PRPF18: variants seen among roughly 807,000 people sequenced by gnomAD.
PRPF18 encodes the protein pre-mRNA processing factor 18, also known as pre-mRNA-splicing factor 18.
PRPF18 carries 38 observed loss-of-function variants against 46.5 expected under a neutral mutation model. The ratio of observed to expected loss-of-function variants is 0.82; its 90% CI spans 0.63 to 1.07. PRPF18 has a LOEUF of 1.07. Among genes scored for constraint, PRPF18 ranks in the 50% least tolerant of loss-of-function variants. The pLI is 0.00. For synonymous variants in PRPF18, 152 were observed against 146.7 expected (o/e 1.04, Z -0.26); for missense variants, 263 against 410.0 (o/e 0.64, Z 3.10).
rs370289910 is a variant in PRPF18 at position 13,597,478 on chromosome 10, G to A, written c.87G>A (p.Lys29=). 122 of 1,604,972 alleles carry A rather than the reference G, an allele frequency of 7.6e-5. No individual in the cohort carries two copies. The highest frequency in any genetic ancestry group is 9.4e-5 in the Non-Finnish European group (111 of 1,176,132). The part of the protein sequence containing the change: ...NLLVENKKYF[K]RSELAKKEEE... ...AATAGGAAAATAAAAAATATTTCAA[G>A]CGTAGTGAGCTCGCCAAAAAAGAAG... Residue 29 remains lysine (K), a synonymous_variant, in exon 2 of 10, where the codon AAG becomes AAA. Transcript: ENST00000378572.
At chr10:13,600,214 GA>G (rs2080086358) in intron 2 of PRPF18, 29 bp from the exon 3 acceptor site, 1 of 1,501,252 alleles carries the variant, frequency 6.7e-7, no homozygotes, top group Non-Finnish European at 9.1e-7. Context: ...TTTTAAAGCT[GA>G]ATTTCATTTC....
rs1178047932 is a variant in PRPF18, at chr10:13,630,386, A to AG, written c.*48dup. ...ATAACAATAAGAAACTTAGGGAAGC[A>AG]GGCTGTGGACTTCTGGAATTACCAA... is the stretch of plus-strand genomic sequence containing the variant. On this transcript the variant is annotated 3_prime_UTR_variant, in exon 10 of 10. Coordinates refer to ENST00000378572, the MANE Select transcript of PRPF18 (RefSeq NM_003675.4). 1 of 1,480,740 alleles carries AG rather than the reference A, an allele frequency of 6.8e-7. No homozygotes were observed. The highest frequency in any genetic ancestry group is 1.2e-5 in the South Asian group (1 of 84,572). The allele number at this position is 1,480,740 out of a possible 1,614,324, so 91.7% of individuals were successfully genotyped here. A position where few individuals can be genotyped will look rare whatever the true frequency, so the allele number is the denominator to read the frequency against.
chr10:13,605,576 TCTC>T, intron 3 of PRPF18, 52 bp from the exon 4 acceptor site: 1 of 993,118 alleles, frequency 1.0e-6, no homozygotes, highest in Non-Finnish European at 1.4e-6. Flanking sequence ...AGTGAGACTG[TCTC>T]AAAAAAAAAA....
chr10:13,605,007 C>G (rs1027146998), intron 3 of PRPF18, among the ~76,000 whole-genome samples: 4 of 152,156 alleles, frequency 2.6e-5, no homozygotes, highest in African/African-American at 9.7e-5. Context: ...TTTCTTTAGA[C>G]TTGAATTGTA....
At chr10:13,600,627 T>G (rs2080091824) in intron 3 of PRPF18, among the ~76,000 whole-genome samples, 1 of 152,190 alleles carries the variant, frequency 6.6e-6, no homozygotes, top group Non-Finnish European at 1.5e-5. Flanking sequence ...TGCTAAATAT[T>G]TATACTTAAA....
chr10:13,618,758 A>G (rs1179937210), intron 9 of PRPF18, among the ~76,000 whole-genome samples: 1 of 152,156 alleles, frequency 6.6e-6, no homozygotes, highest in Admixed American at 6.5e-5. Context: ...TACCCCTAGA[A>G]TCTAGAACAA....
chr10:13,591,423 T>A, intron 1 of PRPF18: 1 of 486,802 alleles, frequency 2.1e-6, no homozygotes, highest in Non-Finnish European at 3.7e-6. Context: ...CCTTTTTTGT[T>A]ATCAGTTATT....
intron 9 of PRPF18, 67 bp downstream of exon 9, chr10:13,616,620 T>A (rs1167149100): frequency 6.4e-7 from 1 of 1,570,992 alleles, no homozygotes; most frequent in Non-Finnish European, 8.7e-7. Context: ...AAACTCTAAG[T>A]CTGGAAAGCA....
At chr10:13,612,389 C>G (rs770879518) in intron 6 of PRPF18, among the ~76,000 whole-genome samples, 1 of 152,068 alleles carries the variant, frequency 6.6e-6, no homozygotes, top group Non-Finnish European at 1.5e-5. Flanking sequence ...TATCCTGCCT[C>G]AGCCTCTCAA....
chr10:13,655,354 AAACGTTGGTTCTTTATCT>A, the PRPF18 span: 3 of 152,172 alleles, frequency 2.0e-5, no homozygotes, highest in East Asian at 5.8e-4. Flanking sequence ...GATATTTACA[AAACGTTGGTTCTTTATCT>A]AATAGGGTCA....
downstream of PRPF18, among the ~76,000 whole-genome samples, chr10:13,635,252 T>C (rs2080626857): frequency 6.6e-6 from 1 of 152,230 alleles, no homozygotes; most frequent in Non-Finnish European, 1.5e-5. Flanking sequence ...TGTGTGGTAT[T>C]CCATAGTGTA....
At chr10:13,621,226 C>T (rs182298468) in intron 9 of PRPF18, among the ~76,000 whole-genome samples, 1 of 152,322 alleles carries the variant, frequency 6.6e-6, no homozygotes, top group East Asian at 1.9e-4. Context: ...CAGAGCTACT[C>T]TTATCCTTCC....
chr10:13,649,836 T>A, the PRPF18 span, among the ~76,000 whole-genome samples: 1 of 152,318 alleles, frequency 6.6e-6, no homozygotes, highest in Admixed American at 6.5e-5. Flanking sequence ...TCACAAATAA[T>A]ACAAATGGGG....
intron 1 of PRPF18, among the ~76,000 whole-genome samples, chr10:13,590,487 G>A (rs1589114748): frequency 6.7e-6 from 1 of 150,048 alleles, no homozygotes; most frequent in African/African-American, 2.4e-5. Flanking sequence ...TGGGCATGGT[G>A]GCAGGTGCCT....
At chr10:13,647,743 T>C in the PRPF18 span, 2 of 152,094 alleles carry the variant, frequency 1.3e-5, no homozygotes, top group South Asian at 2.1e-4. Context: ...TTTTTTTTTT[T>C]TTTTTAAGTA....
chr10:13,647,871 C>T, the PRPF18 span: 2 of 151,932 alleles, frequency 1.3e-5, no homozygotes, highest in African/African-American at 4.8e-5. Flanking sequence ...GAAAAACAGC[C>T]TCTCTTCAAT....
At chr10:13,596,043 C>T (rs553903239) in intron 1 of PRPF18, among the ~76,000 whole-genome samples, 16 of 152,278 alleles carry the variant, frequency 1.1e-4, no homozygotes, top group African/African-American at 3.6e-4. Flanking sequence ...TATGTACATA[C>T]ATTTGCTTTT....
At chr10:13,641,650 A>C in the PRPF18 span, 6 of 152,384 alleles carry the variant, frequency 3.9e-5, no homozygotes, top group East Asian at 1.2e-3. Flanking sequence ...TACCAGGTGG[A>C]AAACCAGGAC....
At chr10:13,650,159 A>G in the PRPF18 span, among the ~76,000 whole-genome samples, 1 of 152,240 alleles carries the variant, frequency 6.6e-6, no homozygotes, top group African/African-American at 2.4e-5. Flanking sequence ...GTGGTTTATA[A>G]CTGCTTGGCA....
Sources: allele counts gnomAD v4.1 joint callset (sites outside exome capture counted in the v4.1 genomes callset), GRCh38; gene constraint gnomAD v4.1.1; transcripts MANE v1.5; gene names NCBI Gene and HGNC (gene_info 2026-07-23, HGNC 2026-07-21).